Variants in TFCP2 observed in about 807,000 individuals in gnomAD.
The protein encoded by TFCP2 is alpha-globin transcription factor CP2.
TFCP2 carries 33 observed loss-of-function variants against 73.4 expected under a neutral mutation model. That is an observed-to-expected ratio of 0.45 (90% CI 0.34 to 0.60). The LOEUF is 0.60. Ranked by LOEUF, TFCP2 falls within the 20% of genes least tolerant of loss-of-function variation. The probability of loss-of-function intolerance (pLI) is 0.01; values close to 1 mark genes in which losing one functional copy is unlikely to be tolerated. For synonymous variants in TFCP2, 193 were observed against 211.6 expected, an observed-to-expected ratio of 0.91 and a Z score of 0.76; for missense variants, 352 against 604.0, an observed-to-expected ratio of 0.58 and a Z score of 4.37.
intron 13 of TFCP2, 99 bp downstream of exon 13, chr12:51,098,677 T>C (rs1940029055): frequency 7.3e-6 from 10 of 1,364,354 alleles, no homozygotes; most frequent in Non-Finnish European, 1.0e-5. Context: ...AACCCTCTGA[T>C]CTAGAAAACA....
chr12:51,131,057 C>T (rs377691909), intron 1 of TFCP2, among the ~76,000 whole-genome samples: 3 of 151,166 alleles, frequency 2.0e-5, no homozygotes, highest in Non-Finnish European at 2.9e-5. Flanking sequence ...AGTTCGGGCG[C>T]GGTGGCTCAC....
intron 5 of TFCP2, among the ~76,000 whole-genome samples, chr12:51,109,967 C>A (rs1046401207): frequency 2.6e-5 from 4 of 152,092 alleles, no homozygotes; most frequent in Non-Finnish European, 4.4e-5. Flanking sequence ...GATCTGCCTG[C>A]CTCGGCCTCC....
At chr12:51,122,918 C>G (rs1222196391) in intron 1 of TFCP2, among the ~76,000 whole-genome samples, 3 of 152,196 alleles carry the variant, frequency 2.0e-5, no homozygotes, top group Non-Finnish European at 2.9e-5. Flanking sequence ...TTCTCAAATA[C>G]ATCACATCTG....
At chr12:51,163,796 A>G (rs1439970088) in intron 1 of TFCP2, among the ~76,000 whole-genome samples, 1 of 152,014 alleles carries the variant, frequency 6.6e-6, no homozygotes, top group Admixed American at 6.6e-5. Flanking sequence ...AAAAAAAGAA[A>G]GACCTTAAGT....
Position 51,094,776 on chromosome 12 carries a change from T to C in TFCP2, c.*465A>G, listed in dbSNP as rs543404024. Reference sequence around the variant, plus strand: ...TGATAAAGTTTTCAGGGACAAACTGTGGCAAAAAGCAGAGATACCAGTACA... The same window carrying C: ...TGATAAAGTTTTCAGGGACAAACTGCGGCAAAAAGCAGAGATACCAGTACA... On this transcript the variant is annotated 3_prime_UTR_variant, in exon 15 of 15. Coordinates refer to ENST00000257915, the MANE Select transcript of TFCP2 (RefSeq NM_005653.5). The C allele has an allele frequency of 5.2e-5, 8 of 153,630 alleles. No homozygotes were observed. Among genetic ancestry groups the C allele is most frequent in the African/African-American group, 1.9e-4 (8 of 41,608 alleles). The allele number at this position is 153,630 out of a possible 1,614,324, so 9.5% of individuals were successfully genotyped here.
chr12:51,120,354 C>T (rs1044108901), intron 1 of TFCP2, among the ~76,000 whole-genome samples: 1 of 151,748 alleles, frequency 6.6e-6, no homozygotes, highest in African/African-American at 2.4e-5. Flanking sequence ...ATATAATGCT[C>T]GACAAAAAAA....
chr12:51,151,463 G>A (rs1472924402), intron 1 of TFCP2, among the ~76,000 whole-genome samples: 1 of 152,172 alleles, frequency 6.6e-6, no homozygotes, highest in Non-Finnish European at 1.5e-5. Context: ...TTGAGACAGA[G>A]TCTCTCCCTG....
chr12:51,111,583 C>T (rs1162490787), intron 4 of TFCP2, among the ~76,000 whole-genome samples: 1 of 152,084 alleles, frequency 6.6e-6, no homozygotes, highest in African/African-American at 2.4e-5. Flanking sequence ...TGGCCAGGCA[C>T]GGTGGCTCAC....
chr12:51,099,516 G>T, intron 12 of TFCP2, 139 bp downstream of exon 12: 1 of 1,157,408 alleles, frequency 8.6e-7, no homozygotes, highest in Non-Finnish European at 1.2e-6. Context: ...CATGTATTAG[G>T]AACTTAATAA....
At chr12:51,102,158 G>C (rs1282976859) in intron 10 of TFCP2, 133 bp from the exon 11 acceptor site, 4 of 640,618 alleles carry the variant, frequency 6.2e-6, no homozygotes, top group African/African-American at 1.8e-5. Context: ...TGGCATATAA[G>C]GCCCTTCATG....
intron 6 of TFCP2, among the ~76,000 whole-genome samples, chr12:51,108,314 G>A (rs1940306603): frequency 6.6e-6 from 1 of 151,326 alleles, no homozygotes; most frequent in South Asian, 2.1e-4. Flanking sequence ...GGAAGTAGAA[G>A]AACACATACG....
chr12:51,122,474 G>A (rs1284272412), intron 1 of TFCP2, among the ~76,000 whole-genome samples: 5 of 151,856 alleles, frequency 3.3e-5, no homozygotes. Flanking sequence ...GGCCATGCTG[G>A]TCTCGAACTC....
intron 1 of TFCP2, chr12:51,162,875 C>T (rs186258185): frequency 6.6e-6 from 1 of 152,172 alleles, no homozygotes; most frequent in Admixed American, 6.6e-5. Context: ...TCTTTTTATT[C>T]ATTTGGTGTT....
intron 1 of TFCP2, among the ~76,000 whole-genome samples, chr12:51,153,847 C>A (rs893327747): frequency 6.6e-6 from 1 of 152,138 alleles, no homozygotes; most frequent in Non-Finnish European, 1.5e-5. Context: ...CATGGGTGTA[C>A]AAATAGCTGC....
At chr12:51,117,185 T>C (rs758932231) in intron 3 of TFCP2, among the ~76,000 whole-genome samples, 1 of 152,178 alleles carries the variant, frequency 6.6e-6, no homozygotes, top group Non-Finnish European at 1.5e-5. Flanking sequence ...TACTCTTACT[T>C]TGTAGAAGTG....
chr12:51,146,838 GTCTTA>G (rs1294619716), intron 1 of TFCP2, among the ~76,000 whole-genome samples: 2 of 152,116 alleles, frequency 1.3e-5, no homozygotes, highest in African/African-American at 4.8e-5. Flanking sequence ...TTATATACAT[GTCTTA>G]TCTTCTCCAT....
chr12:51,155,507 TGTACA>T (rs1319482250), intron 1 of TFCP2, among the ~76,000 whole-genome samples: 1 of 152,222 alleles, frequency 6.6e-6, no homozygotes, highest in African/African-American at 2.4e-5. Flanking sequence ...CTAACAACAG[TGTACA>T]GTGGTTCCAA....
At chr12:51,126,369 G>T (rs897004938) in intron 1 of TFCP2, among the ~76,000 whole-genome samples, 2 of 152,124 alleles carry the variant, frequency 1.3e-5, no homozygotes, top group African/African-American at 4.8e-5. Context: ...GAAAGCAATT[G>T]AGTGAAAGAG....
chr12:51,118,592 T>A, intron 2 of TFCP2, 29 bp downstream of exon 2: 1 of 1,608,838 alleles, frequency 6.2e-7, no homozygotes, highest in South Asian at 1.1e-5. Flanking sequence ...AGGTCTGCAA[T>A]AGTACTAATG....
Sources: gnomAD v4.1 joint callset for allele counts (sites outside exome capture counted in the v4.1 genomes callset) on GRCh38, gnomAD v4.1.1 for gene constraint, MANE v1.5 for transcripts, NCBI Gene and HGNC (gene_info 2026-07-23, HGNC 2026-07-21) for gene names.